COX7B2: variants seen among roughly 807,000 people sequenced by gnomAD.
COX7B2 encodes cytochrome c oxidase subunit 7B2, mitochondrial.
For missense variants in COX7B2, 109 were observed against 95.9 expected (o/e 1.14, Z -0.57); for synonymous variants, 37 against 32.1 (o/e 1.15, Z -0.51).
chr4:46,882,948 G>C (rs1434019204), intron 1 of COX7B2, among the ~76,000 whole-genome samples: 4 of 152,106 alleles, frequency 2.6e-5, no homozygotes, highest in Non-Finnish European at 4.4e-5. Flanking sequence ...ATGGGAAAGA[G>C]ACTTAATTTC....
chr4:46,809,865 T>C (rs1719196054), intron 2 of COX7B2, among the ~76,000 whole-genome samples: 1 of 151,940 alleles, frequency 6.6e-6, no homozygotes, highest in African/African-American at 2.4e-5. Flanking sequence ...CATCCTATTA[T>C]TGTACTACTA....
At chr4:46,811,788 T>C (rs1293919434) in intron 2 of COX7B2, among the ~76,000 whole-genome samples, 1 of 152,140 alleles carries the variant, frequency 6.6e-6, no homozygotes, top group African/African-American at 2.4e-5. Context: ...GCAGCTTTCA[T>C]AGGGGGAGAC....
intron 2 of COX7B2, among the ~76,000 whole-genome samples, chr4:46,818,695 T>C (rs1714033311): frequency 6.6e-6 from 1 of 151,830 alleles, no homozygotes; most frequent in African/African-American, 2.4e-5. Flanking sequence ...TCTTTCATTG[T>C]AATGGAAAAA....
At chr4:46,896,841 G>A (rs1401086299) in intron 1 of COX7B2, among the ~76,000 whole-genome samples, 1 of 152,118 alleles carries the variant, frequency 6.6e-6, no homozygotes, top group Non-Finnish European at 1.5e-5. Context: ...ATCATCTGTA[G>A]CTGAATTTCA....
chr4:46,883,264 A>C (rs1475648313), intron 1 of COX7B2, among the ~76,000 whole-genome samples: 1 of 152,150 alleles, frequency 6.6e-6, no homozygotes, highest in Non-Finnish European at 1.5e-5. Flanking sequence ...GACAATCCCA[A>C]TCATTTATTT....
intron 2 of COX7B2, among the ~76,000 whole-genome samples, chr4:46,790,661 C>T (rs73139391): frequency 0.021 from 3,243 of 152,178 alleles, 105 homozygotes; most frequent in African/African-American, 0.074. Context: ...TGTTCTGGGT[C>T]CCCATATCCA....
At chr4:46,768,036 C>T (rs1470303788) in intron 2 of COX7B2, among the ~76,000 whole-genome samples, 2 of 152,234 alleles carry the variant, frequency 1.3e-5, no homozygotes, top group Admixed American at 6.5e-5. Flanking sequence ...AGCGGTTGCC[C>T]GCAACCTCTG....
At chr4:46,749,051 C>T (rs978219665) in intron 2 of COX7B2, among the ~76,000 whole-genome samples, 1 of 152,104 alleles carries the variant, frequency 6.6e-6, no homozygotes, top group African/African-American at 2.4e-5. Flanking sequence ...CAATCATGCT[C>T]TTCTACTCCC....
At chr4:46,775,179 A>C (rs1717087923) in intron 2 of COX7B2, among the ~76,000 whole-genome samples, 2 of 152,132 alleles carry the variant, frequency 1.3e-5, no homozygotes, top group African/African-American at 4.8e-5. Flanking sequence ...TGACTAAGAA[A>C]ACAGAAGTTA....
intron 2 of COX7B2, among the ~76,000 whole-genome samples, chr4:46,811,752 C>T (rs981836588): frequency 6.6e-6 from 1 of 152,162 alleles, no homozygotes; most frequent in African/African-American, 2.4e-5. Flanking sequence ...TCAGACAGTG[C>T]AGTCACTTCT....
chr4:46,892,187 C>T lies in COX7B2; in HGVS notation c.-105+16973G>A, dbSNP rs1397194267. On this transcript the variant is annotated intron_variant, in intron 1 of 2. Coordinates refer to ENST00000355591, the MANE Select transcript of COX7B2 (RefSeq NM_130902.3). ...TCTTCATGACTGTGATATTAACTAC[C>T]GGGGCCACTGGTACCACTGTTATAG... 5.3e-5 allele frequency among the ~76,000 whole-genome samples: 8 copies of T among 152,134 alleles called. No homozygotes were observed. The South Asian group carries it at 6.2e-4, about 12-fold the overall frequency.
intron 2 of COX7B2, among the ~76,000 whole-genome samples, chr4:46,823,302 G>A (rs1455123713): frequency 1.3e-5 from 2 of 151,212 alleles, no homozygotes; most frequent in Non-Finnish European, 2.9e-5. Context: ...ATTAGTATAT[G>A]TATTTCTATG....
intron 1 of COX7B2, among the ~76,000 whole-genome samples, chr4:46,894,604 A>G (rs531088908): frequency 7.9e-5 from 12 of 152,328 alleles, no homozygotes; most frequent in Admixed American, 1.3e-4. Flanking sequence ...AAAGATACCA[A>G]AAACTATTGC....
rs527782557 is a variant in COX7B2 at position 46,905,108 on chromosome 4, G to T, written c.-105+4052C>A. Reference sequence around the variant, plus strand: ...ACAAGATATAAATGAGTTAATATTTGCAAAGTACATAGGACTGTATTTGGA... The same window carrying T: ...ACAAGATATAAATGAGTTAATATTTTCAAAGTACATAGGACTGTATTTGGA... On this transcript the variant is annotated intron_variant, in intron 1 of 2. Coordinates refer to ENST00000355591, the MANE Select transcript of COX7B2 (RefSeq NM_130902.3). Among the ~76,000 whole-genome samples the T allele has an allele frequency of 1.8e-4, 27 of 151,602 alleles. No homozygotes were observed. In the East Asian group the frequency reaches 5.2e-3, roughly 29 times the overall value.
At chr4:46,757,689 T>A (rs2109459014) in intron 2 of COX7B2, among the ~76,000 whole-genome samples, 2 of 152,282 alleles carry the variant, frequency 1.3e-5, no homozygotes, top group Admixed American at 1.3e-4. Flanking sequence ...TATAAACTCC[T>A]ATTCTTACGG....
At chr4:46,764,265 C>CCAGGCA (rs1716390025) in intron 2 of COX7B2, among the ~76,000 whole-genome samples, 1 of 152,106 alleles carries the variant, frequency 6.6e-6, no homozygotes, top group Non-Finnish European at 1.5e-5. Flanking sequence ...AATACTGGAG[C>CCAGGCA]CAGGCACAGT....
At chr4:46,834,323 A>G (rs1422501652) in intron 2 of COX7B2, among the ~76,000 whole-genome samples, 1 of 152,136 alleles carries the variant, frequency 6.6e-6, no homozygotes, top group Non-Finnish European at 1.5e-5. Flanking sequence ...TGATGAAAAA[A>G]GACAAGAAAA....
At chr4:46,885,466 T>C (rs1400954128) in intron 1 of COX7B2, among the ~76,000 whole-genome samples, 1 of 152,126 alleles carries the variant, frequency 6.6e-6, no homozygotes, top group African/African-American at 2.4e-5. Context: ...CCAAATGATT[T>C]TGTAGATTTG....
intron 2 of COX7B2, among the ~76,000 whole-genome samples, chr4:46,779,030 A>G (rs1717304386): frequency 6.6e-6 from 1 of 152,202 alleles, no homozygotes; most frequent in Non-Finnish European, 1.5e-5. Context: ...AATTCTTTTG[A>G]CAAAGAGTGT....
Sources: allele counts gnomAD v4.1 joint callset (sites outside exome capture counted in the v4.1 genomes callset), GRCh38; gene constraint gnomAD v4.1.1; transcripts MANE v1.5; gene names NCBI Gene and HGNC (gene_info 2026-07-23, HGNC 2026-07-21).